The following LPP variants were observed in gnomAD, a reference collection of about 807,000 sequenced individuals.
LPP encodes LIM domain containing preferred translocation partner in lipoma.
A neutral mutation model predicts 60.4 loss-of-function variants in LPP; 38 were observed. The ratio of observed to expected loss-of-function variants is 0.63; its 90% CI spans 0.49 to 0.83. The LOEUF is 0.83. Ranked by LOEUF, LPP falls within the 40% of genes least tolerant of loss-of-function variation. The pLI, the probability that LPP is intolerant of heterozygous loss-of-function variation, is 0.00. For missense variants in LPP, 902 were observed against 783.6 expected (o/e 1.15, Z -1.80); for synonymous variants, 328 against 290.8 (o/e 1.13, Z -1.30).
chr3:188,767,441 T>G, intron 9 of LPP, among the ~76,000 whole-genome samples: 1 of 152,124 alleles, frequency 6.6e-6, no homozygotes. Flanking sequence ...AACATATTCT[T>G]TATAAAACCT....
chr3:188,802,599 A>G (rs1235993287), intron 9 of LPP, among the ~76,000 whole-genome samples: 3 of 152,158 alleles, frequency 2.0e-5, no homozygotes, highest in African/African-American at 4.8e-5. Flanking sequence ...CCTGGCCAAC[A>G]TGGTGAAACC....
intron 6 of LPP, among the ~76,000 whole-genome samples, chr3:188,570,157 G>T (rs1187803064): frequency 2.0e-5 from 3 of 151,960 alleles, no homozygotes; most frequent in Admixed American, 2.0e-4. Flanking sequence ...GCAGAGAAGG[G>T]TAAAAGTGAC....
chr3:188,566,672 T>C (rs1832248192), intron 6 of LPP, among the ~76,000 whole-genome samples: 2 of 151,998 alleles, frequency 1.3e-5, no homozygotes, highest in South Asian at 2.1e-4. Context: ...ACTAATCATA[T>C]ACGAGAAGCT....
At chr3:188,373,891 G>T (rs936502601) in intron 3 of LPP, among the ~76,000 whole-genome samples, 26 of 152,214 alleles carry the variant, frequency 1.7e-4, no homozygotes, top group African/African-American at 6.0e-4. Flanking sequence ...TGTATAAGGT[G>T]TAAGGAAGGG....
chr3:188,498,988 T>C (rs1039815125), intron 5 of LPP, among the ~76,000 whole-genome samples: 1 of 152,180 alleles, frequency 6.6e-6, no homozygotes, highest in African/African-American at 2.4e-5. Flanking sequence ...TCTTTATTCA[T>C]TTTTGAATTT....
Position 188,609,165 on chromosome 3 carries a change from C to G in LPP, c.434C>G (p.Ser145Cys). ...TTTTTTTCCTATTCTTTTTAGAGCTCCACTGGTTCAACAGCCTCTCCTCCA... is the reference window on the plus strand; with the variant it reads ...TTTTTTTCCTATTCTTTTTAGAGCTGCACTGGTTCAACAGCCTCTCCTCCA... ...SPYKPRPPQS[S>C]TGSTASPPVS... Residue 145 changes from serine to cysteine, a missense_variant, in exon 7 of 12, where the codon TCC becomes TGC. By Grantham distance (112) the Ser-to-Cys change is moderately radical. Coordinates refer to ENST00000617246, the MANE Select transcript of LPP (RefSeq NM_001375462.1). The surrounding 1 kb of genome is among the most constrained non-coding windows in gnomAD (Gnocchi z 6.9). 4.4e-6 allele frequency: 7 copies of G among 1,599,252 alleles called. No individual in the cohort carries two copies. Among genetic ancestry groups the G allele is most frequent in the Non-Finnish European group, 6.0e-6 (7 of 1,171,058 alleles).
At chr3:188,277,464 A>G (rs1012914186) in intron 2 of LPP, among the ~76,000 whole-genome samples, 17 of 152,294 alleles carry the variant, frequency 1.1e-4, no homozygotes, top group African/African-American at 4.1e-4. Flanking sequence ...GGTGCTCAGT[A>G]AATTTTAGTT....
chr3:188,530,022 C>G (rs1390009298), intron 6 of LPP, among the ~76,000 whole-genome samples: 2 of 152,106 alleles, frequency 1.3e-5, no homozygotes, highest in African/African-American at 4.8e-5. Flanking sequence ...TAAAGTGTTA[C>G]GGGAAGGGCA....
In LPP at chr3:188,265,218, TTA is replaced by T. The variant is rs1735063737; in HGVS notation, c.-67+39693_-67+39694del. Among the ~76,000 whole-genome samples, 4 of 152,220 alleles carry T rather than the reference TTA, an allele frequency of 2.6e-5. No individual in the cohort carries two copies. In the South Asian group the frequency reaches 8.3e-4, roughly 31 times the overall value. On this transcript the variant is annotated intron_variant, in intron 2 of 11. Coordinates refer to ENST00000617246, the MANE Select transcript of LPP (RefSeq NM_001375462.1). ...GTTGTTTGTTTTGTTTTGTTTTGTTTTATGTTTCTTGAGTTTATCGCTAAAGA... is the reference window on the plus strand; with the variant it reads ...GTTGTTTGTTTTGTTTTGTTTTGTTTTGTTTCTTGAGTTTATCGCTAAAGA...
chr3:188,863,496 A>C (rs1308829694), intron 9 of LPP, among the ~76,000 whole-genome samples: 1 of 152,134 alleles, frequency 6.6e-6, no homozygotes, highest in African/African-American at 2.4e-5. Context: ...GTGGAATGAG[A>C]GTCTGGACTA....
chr3:188,487,637 C>T (rs894175367), intron 5 of LPP, among the ~76,000 whole-genome samples: 2 of 152,158 alleles, frequency 1.3e-5, no homozygotes, highest in African/African-American at 4.8e-5. Context: ...CGAACATGCC[C>T]TCCCCTTGTG....
At chr3:188,203,720 A>G (rs1407959885) in intron 1 of LPP, among the ~76,000 whole-genome samples, 5 of 148,774 alleles carry the variant, frequency 3.4e-5, no homozygotes, top group Admixed American at 6.9e-5. Flanking sequence ...GGCTCAAGCA[A>G]TCCTTCTGCC....
Position 188,242,979 on chromosome 3 carries a change from A to G in LPP, c.-67+17452A>G, listed in dbSNP as rs1049565180. 3.9e-5 allele frequency among the ~76,000 whole-genome samples: 6 copies of G among 152,220 alleles called. No individual in the cohort carries two copies. The East Asian group carries it at 1.2e-3, about 29-fold the overall frequency. Reference sequence around the variant, plus strand: ...CCTTTGTTCAGAATTTGAGTATAAAAAAGAGAGGAAGAAAAGATACTTGCT... The same window carrying G: ...CCTTTGTTCAGAATTTGAGTATAAAGAAGAGAGGAAGAAAAGATACTTGCT... On this transcript the variant is annotated intron_variant, in intron 2 of 11. Coordinates refer to ENST00000617246, the MANE Select transcript of LPP (RefSeq NM_001375462.1).
chr3:188,859,474 C>T lies in LPP; in HGVS notation c.1411-6726C>T, dbSNP rs118147985. On this transcript the variant is annotated intron_variant, in intron 9 of 11. Coordinates refer to ENST00000617246, the MANE Select transcript of LPP (RefSeq NM_001375462.1). Reference sequence around the variant, plus strand: ...TAGCAATTTGTCATGCCCTTTGCCTCGAATCAGTTGTTAATAGTTGTGTCC... The same window carrying T: ...TAGCAATTTGTCATGCCCTTTGCCTTGAATCAGTTGTTAATAGTTGTGTCC... Among the ~76,000 whole-genome samples the T allele has an allele frequency of 1.4e-3, 213 of 152,188 alleles. 5 individuals are homozygous for T. In the East Asian group the frequency reaches 0.039, roughly 28 times the overall value.
intron 9 of LPP, among the ~76,000 whole-genome samples, chr3:188,790,344 G>A (rs1484298544): frequency 1.3e-5 from 2 of 152,032 alleles, no homozygotes; most frequent in East Asian, 3.9e-4. Flanking sequence ...TGTGTGTGGT[G>A]TGTGCGTGTG....
intron 5 of LPP, among the ~76,000 whole-genome samples, chr3:188,494,992 C>A (rs980788909): frequency 6.9e-6 from 1 of 144,118 alleles, no homozygotes; most frequent in African/African-American, 2.5e-5. Flanking sequence ...TTGTCACTGA[C>A]ATTTGATTTG....
chr3:188,609,326 C>G lies in LPP; in HGVS notation c.595C>G (p.Leu199Val). Residue 199 changes from leucine (L) to valine (V), a missense_variant, in exon 7 of 12, where the codon CTC becomes GTC. By Grantham distance (32) the Leu-to-Val change is conservative. Transcript: ENST00000617246. This position sits in a 1 kb window ranked among gnomAD's most constrained non-coding sequence, Gnocchi z 6.9. Reference protein sequence around the residue: ...GPIPVAPIGTLKPQPQPVPAS... With the variant: ...GPIPVAPIGTVKPQPQPVPAS... Reference sequence around the variant, plus strand: ...CATCCCTGTGGCTCCAATCGGAACACTCAAACCCCAGCCTCAGCCAGTCCC... The same window carrying G: ...CATCCCTGTGGCTCCAATCGGAACAGTCAAACCCCAGCCTCAGCCAGTCCC... 1 of 1,614,144 alleles carries G rather than the reference C, an allele frequency of 6.2e-7. No homozygotes were observed. The highest frequency in any genetic ancestry group is 8.5e-7 in the Non-Finnish European group (1 of 1,180,026).
chr3:188,695,392 T>C (rs552094570), intron 7 of LPP, among the ~76,000 whole-genome samples: 1 of 152,342 alleles, frequency 6.6e-6, no homozygotes, highest in South Asian at 2.1e-4. Context: ...GCTGCAGTGC[T>C]GACGAATAAC....
chr3:188,509,041 T>G (rs986888316), intron 5 of LPP, among the ~76,000 whole-genome samples: 1 of 152,286 alleles, frequency 6.6e-6, no homozygotes, highest in Admixed American at 6.5e-5. Flanking sequence ...CGAAGGTGCT[T>G]CTGTCCTCAA....
Sources: allele counts gnomAD v4.1 joint callset (sites outside exome capture counted in the v4.1 genomes callset), GRCh38; gene constraint gnomAD v4.1.1; non-coding constraint Gnocchi (gnomAD v3.1); transcripts MANE v1.5; gene names NCBI Gene and HGNC (gene_info 2026-07-23, HGNC 2026-07-21).